ANKFN1: variants seen among roughly 807,000 people sequenced by gnomAD.
ANKFN1 encodes the protein ankyrin repeat and fibronectin type-III domain-containing protein 1.
ANKFN1 carries 74 observed loss-of-function variants against 108.7 expected under a neutral mutation model. The observed-to-expected ratio is 0.68, with a 90% CI of 0.56 to 0.83. The LOEUF is 0.83. ANKFN1 is among the 40% of genes least tolerant of loss of function. ANKFN1 has a pLI of 0.00. For missense variants in ANKFN1, 1,505 were observed against 1,382.3 expected, an observed-to-expected ratio of 1.09 and a Z score of -1.41; for synonymous variants, 547 against 516.2, an observed-to-expected ratio of 1.06 and a Z score of -0.81.
At chr17:56,202,331 T>G (rs2143762885) in intron 1 of ANKFN1, among the ~76,000 whole-genome samples, 1 of 152,274 alleles carries the variant, frequency 6.6e-6, no homozygotes, top group South Asian at 2.1e-4. Context: ...CTTTCCTAAC[T>G]CATCTCCATG....
At chr17:56,432,330 G>A (rs1026691756) in intron 8 of ANKFN1, among the ~76,000 whole-genome samples, 1 of 151,940 alleles carries the variant, frequency 6.6e-6, no homozygotes, top group Non-Finnish European at 1.5e-5. Context: ...AGTTAGTGAT[G>A]TGACTACTTT....
intron 14 of ANKFN1, among the ~76,000 whole-genome samples, chr17:56,459,682 G>T (rs1044738944): frequency 1.3e-5 from 2 of 152,110 alleles, no homozygotes; most frequent in Non-Finnish European, 2.9e-5. Flanking sequence ...TTTCAAGGGG[G>T]GCTCTTTATT....
intron 8 of ANKFN1, among the ~76,000 whole-genome samples, chr17:56,382,880 G>A (rs2047148092): frequency 6.6e-6 from 1 of 152,032 alleles, no homozygotes; most frequent in African/African-American, 2.4e-5. Context: ...AATAATAATG[G>A]GAGACTTTAA....
chr17:56,405,301 A>G (rs1207630254), intron 8 of ANKFN1, among the ~76,000 whole-genome samples: 2 of 152,346 alleles, frequency 1.3e-5, no homozygotes, highest in African/African-American at 2.4e-5. Flanking sequence ...AAACTTTCTC[A>G]TTATGCAAGA....
intron 3 of ANKFN1, among the ~76,000 whole-genome samples, chr17:56,284,839 G>A (rs753575328): frequency 6.6e-5 from 10 of 152,284 alleles, no homozygotes; most frequent in South Asian, 2.1e-4. Context: ...GCCCTAAAGA[G>A]AGGCTTCATT....
Position 56,072,436 on chromosome 17 carries a change from A to G in ANKFN1, c.288+26111A>G, listed in dbSNP as rs570700275. Among the ~76,000 whole-genome samples the G allele has an allele frequency of 1.4e-3, 220 of 152,240 alleles. 2 individuals carry two copies. Among genetic ancestry groups the G allele is most frequent in the African/African-American group, 5.1e-3 (210 of 41,556 alleles). ...TCAAGAAACAAAACAGTACTGCCGCAGCTCAGTTAATGGTTCCTATTGCAT... is the reference window on the plus strand; with the variant it reads ...TCAAGAAACAAAACAGTACTGCCGCGGCTCAGTTAATGGTTCCTATTGCAT... On this transcript the variant is annotated intron_variant, in intron 4 of 12. Transcript: ENST00000635860.
chr17:56,246,034 A>G (rs763008156), intron 3 of ANKFN1, among the ~76,000 whole-genome samples: 1 of 152,192 alleles, frequency 6.6e-6, no homozygotes, highest in African/African-American at 2.4e-5. Context: ...ACACATATAT[A>G]TAATTTTTCC....
intron 4 of ANKFN1, among the ~76,000 whole-genome samples, chr17:56,327,324 A>G (rs527266947): frequency 6.9e-4 from 105 of 152,238 alleles, no homozygotes; most frequent in African/African-American, 2.5e-3. Context: ...GGCAGCATCA[A>G]TCCATCTCTG....
intron 8 of ANKFN1, among the ~76,000 whole-genome samples, chr17:56,433,942 A>T (rs575474697): frequency 6.6e-6 from 1 of 152,330 alleles, no homozygotes; most frequent in Non-Finnish European, 1.5e-5. Context: ...CTGCTGAGGC[A>T]GGAGAATTGC....
chr17:56,351,599 A>G (rs1327037768), intron 5 of ANKFN1, among the ~76,000 whole-genome samples: 2 of 152,140 alleles, frequency 1.3e-5, no homozygotes, highest in Non-Finnish European at 2.9e-5. Flanking sequence ...AAGAAACACA[A>G]TTGGTTATAG....
At chr17:56,379,539 G>T (rs996403787) in intron 8 of ANKFN1, among the ~76,000 whole-genome samples, 1 of 151,924 alleles carries the variant, frequency 6.6e-6, no homozygotes, top group African/African-American at 2.4e-5. Flanking sequence ...ACAAAATTTT[G>T]TTTATGTGCT....
chr17:56,346,082 G>T (rs546169090), intron 4 of ANKFN1, among the ~76,000 whole-genome samples: 1 of 152,042 alleles, frequency 6.6e-6, no homozygotes, highest in Non-Finnish European at 1.5e-5. Context: ...GTGATGAAGG[G>T]GTTCAGTTTC....
intron 6 of ANKFN1, among the ~76,000 whole-genome samples, chr17:56,364,205 C>T (rs1016179233): frequency 6.6e-6 from 1 of 151,912 alleles, no homozygotes; most frequent in African/African-American, 2.4e-5. Context: ...AAATACATGA[C>T]ATTATTATCA....
At chr17:56,105,376 C>T (rs1269552320) in intron 4 of ANKFN1, among the ~76,000 whole-genome samples, 1 of 152,126 alleles carries the variant, frequency 6.6e-6, no homozygotes, top group Non-Finnish European at 1.5e-5. Context: ...CTAGCTACCC[C>T]TGCACACCTC....
chr17:56,084,055 C>A (rs987348708), intron 4 of ANKFN1, among the ~76,000 whole-genome samples: 10 of 151,204 alleles, frequency 6.6e-5, no homozygotes, highest in African/African-American at 2.4e-4. Flanking sequence ...AAATTCAAGC[C>A]CATTATATAG....
At chr17:56,290,918 C>T (rs1485051830) in intron 3 of ANKFN1, among the ~76,000 whole-genome samples, 1 of 152,128 alleles carries the variant, frequency 6.6e-6, no homozygotes, top group Non-Finnish European at 1.5e-5. Flanking sequence ...GAGCACCTGT[C>T]TCCAGCCTCC....
At position 56,506,032 on chromosome 17, in the gene ANKFN1, G is replaced by A. The variant is rs1277199676; in HGVS notation, c.2645-4441G>A. On this transcript the variant is annotated intron_variant, in intron 20 of 20. Coordinates refer to ENST00000682825, the MANE Select transcript of ANKFN1 (RefSeq NM_001370326.1). Reference sequence around the variant, plus strand: ...GTCTGAACCCTCATAACCTATGAAAGTGACATTATTTGTTTTTTTTGTTTG... The same window carrying A: ...GTCTGAACCCTCATAACCTATGAAAATGACATTATTTGTTTTTTTTGTTTG... Among the ~76,000 whole-genome samples, 4 of 108,412 alleles carry A rather than the reference G, an allele frequency of 3.7e-5. No individual in the cohort carries two copies. The Admixed American group carries it at 4.7e-4, about 13-fold the overall frequency. The allele number at this position is 108,412 out of a possible 152,430, so 71.1% of individuals were successfully genotyped here.
intron 8 of ANKFN1, among the ~76,000 whole-genome samples, chr17:56,425,775 A>C (rs1353278443): frequency 2.0e-5 from 3 of 152,168 alleles, no homozygotes. Context: ...GTTTAGGGTG[A>C]CCCTAATCTG....
intron 8 of ANKFN1, among the ~76,000 whole-genome samples, chr17:56,425,510 A>G (rs1232735402): frequency 6.6e-6 from 1 of 152,222 alleles, no homozygotes; most frequent in Non-Finnish European, 1.5e-5. Context: ...TAATGTTGAT[A>G]CTTCTTAGCA....
Sources: allele counts gnomAD v4.1 joint callset (sites outside exome capture counted in the v4.1 genomes callset), GRCh38; gene constraint gnomAD v4.1.1; transcripts MANE v1.5; gene names NCBI Gene and HGNC (gene_info 2026-07-23, HGNC 2026-07-21).